The following LRP2 variants were observed in gnomAD, a reference collection of about 807,000 sequenced individuals.
The protein encoded by LRP2 is low-density lipoprotein receptor-related protein 2.
In LRP2, 172 loss-of-function variants were observed where a neutral mutation model predicts 531.0. That is an observed-to-expected ratio of 0.32 (90% CI 0.29 to 0.37). LRP2 has a LOEUF of 0.37. Among genes scored for constraint, LRP2 ranks in the 10% least tolerant of loss-of-function variants. LRP2 has a pLI of 1.00. For missense variants in LRP2, 5,167 were observed against 5,868.3 expected, an observed-to-expected ratio of 0.88 and a Z score of 3.90; for synonymous variants, 1,992 against 2,027.6, an observed-to-expected ratio of 0.98 and a Z score of 0.47.
At chr2:169,261,810 A>G (rs1690567655) in intron 16 of LRP2, among the ~76,000 whole-genome samples, 1 of 152,100 alleles carries the variant, frequency 6.6e-6, no homozygotes, top group Non-Finnish European at 1.5e-5. Flanking sequence ...ATTTTAGACC[A>G]ATATCCTTGA....
At chr2:169,288,273 G>T (rs1466651729) in intron 9 of LRP2, among the ~76,000 whole-genome samples, 1 of 152,094 alleles carries the variant, frequency 6.6e-6, no homozygotes, top group Non-Finnish European at 1.5e-5. Context: ...CCATCATAAG[G>T]CCCCGTCCTA....
intron 33 of LRP2, among the ~76,000 whole-genome samples, chr2:169,224,924 T>C (rs1689144453): frequency 6.6e-6 from 1 of 151,936 alleles, no homozygotes; most frequent in African/African-American, 2.4e-5. Context: ...ACCCCGTCTC[T>C]ACTAAAAATA....
At chr2:169,222,534 C>T (rs1460064553) in intron 33 of LRP2, among the ~76,000 whole-genome samples, 1 of 152,132 alleles carries the variant, frequency 6.6e-6, no homozygotes, top group Non-Finnish European at 1.5e-5. Context: ...AGTCATCCCC[C>T]TCATCCATGG....
rs186503383 is a variant in LRP2 at position 169,208,847 on chromosome 2, A to G, written c.6469+606T>C. ...AGAATTGGATTATATTCCAAAACATATAATACCACTAATTATGAGTGGTAT... is the reference window on the plus strand; with the variant it reads ...AGAATTGGATTATATTCCAAAACATGTAATACCACTAATTATGAGTGGTAT... On this transcript the variant is annotated intron_variant, in intron 38 of 78. Transcript: ENST00000649046. Among the ~76,000 whole-genome samples the G allele has an allele frequency of 2.4e-3, 366 of 152,330 alleles. 6 individuals carry two copies. Among genetic ancestry groups the G allele is most frequent in the East Asian group, 3.9e-3 (20 of 5,184 alleles).
At chr2:169,158,989 T>C (rs762009751) in intron 63 of LRP2, among the ~76,000 whole-genome samples, 7 of 152,172 alleles carry the variant, frequency 4.6e-5, no homozygotes, top group Admixed American at 6.6e-5. Context: ...TGCCCCAAGA[T>C]CTTGTCTCTA....
intron 3 of LRP2, among the ~76,000 whole-genome samples, chr2:169,312,073 C>T (rs1382433360): frequency 1.3e-5 from 2 of 152,030 alleles, no homozygotes; most frequent in African/African-American, 2.4e-5. Flanking sequence ...TCCTCCATCC[C>T]TTTATTTTGA....
chr2:169,175,219 C>A lies in LRP2; in HGVS notation c.10742G>T (p.Gly3581Val). ...LCNAHQNCPD[G>V]SDEDRLLCEN... ...ACAAAGAAGACGGTCTTCATCAGAC[C>A]CATCAGGGCAATTTTGGTGAGCATT... The change falls in exon 55 of 79, where the codon GGG becomes GTG. Residue 3581 changes from glycine to valine, a missense_variant. By Grantham distance (109) the Gly-to-Val change is moderately radical (BLOSUM62 -3). Coordinates refer to ENST00000649046, the MANE Select transcript of LRP2 (RefSeq NM_004525.3). 6.2e-7 allele frequency: 1 copy of A among 1,614,072 alleles called. No individual in the cohort carries two copies. Among genetic ancestry groups the A allele is most frequent in the Non-Finnish European group, 8.5e-7 (1 of 1,180,010 alleles).
intron 16 of LRP2, 142 bp downstream of exon 16, chr2:169,270,762 A>ATAAATAAAT (rs1232453073): frequency 3.4e-6 from 1 of 294,136 alleles, no homozygotes; most frequent in Non-Finnish European, 5.9e-6. Flanking sequence ...AATAGTATAA[A>ATAAATAAAT]TAAATAAATA....
intron 9 of LRP2, among the ~76,000 whole-genome samples, chr2:169,287,144 G>T (rs568752350): frequency 6.6e-6 from 1 of 152,310 alleles, no homozygotes; most frequent in African/African-American, 2.4e-5. Flanking sequence ...GGGCATTCGT[G>T]TGAAAAGTAT....
intron 34 of LRP2, among the ~76,000 whole-genome samples, chr2:169,218,205 A>G (rs1381809568): frequency 6.6e-6 from 1 of 152,116 alleles, no homozygotes; most frequent in East Asian, 1.9e-4. Flanking sequence ...ACAAAATTCT[A>G]AGCTCTTCTA....
intron 35 of LRP2, 108 bp from the exon 36 acceptor site, chr2:169,213,978 T>A (rs1688687371): frequency 1.3e-6 from 1 of 767,516 alleles, no homozygotes; most frequent in Non-Finnish European, 2.3e-6. Flanking sequence ...TACAGCCCTC[T>A]ATCCCTTACA....
Position 169,246,765 on chromosome 2 carries a change from G to C in LRP2, c.3130C>G (p.Leu1044Val). Residue 1044 changes from leucine (L) to valine (V), a missense_variant, in exon 21 of 79, where the codon CTC (leucine) becomes GTC (valine). Leu to Val is a conservative substitution (Grantham distance 32). This residue lies in a region of LRP2 where 2,811 missense variants were observed against 3,058.0 expected (regional missense o/e 0.92). Transcript: ENST00000649046. ...TGACAATCATCGACTCCATCACAGAGATAGTAATTGGGCACACATCTGCCA... is the reference window on the plus strand; with the variant it reads ...TGACAATCATCGACTCCATCACAGACATAGTAATTGGGCACACATCTGCCA... ...KNGRCVPNYY[L>V]CDGVDDCHDN... 1.2e-6 allele frequency: 2 copies of C among 1,614,168 alleles called. No individual in the cohort carries two copies. Among genetic ancestry groups the C allele is most frequent in the South Asian group, 1.1e-5 (1 of 91,082 alleles).
chr2:169,152,683 C>A, intron 67 of LRP2, 116 bp downstream of exon 67: 1 of 1,178,486 alleles, frequency 8.5e-7, no homozygotes, highest in Non-Finnish European at 1.3e-6. Flanking sequence ...CCAGCTGCAC[C>A]CATGGCTGAG....
intron 47 of LRP2, 131 bp from the exon 48 acceptor site, chr2:169,192,164 T>G (rs924520340): frequency 6.7e-6 from 4 of 596,708 alleles, no homozygotes; most frequent in Non-Finnish European, 8.7e-6. Flanking sequence ...CAAATTACAC[T>G]GCTATTATAA....
At chr2:169,223,681 ATCT>A (rs1038295325) in intron 33 of LRP2, among the ~76,000 whole-genome samples, 1 of 152,214 alleles carries the variant, frequency 6.6e-6, no homozygotes, top group Non-Finnish European at 1.5e-5. Flanking sequence ...CATTTAAGAC[ATCT>A]TCTTAGCTTC....
At chr2:169,254,728 T>C (rs1574183274) in intron 19 of LRP2, among the ~76,000 whole-genome samples, 1 of 151,316 alleles carries the variant, frequency 6.6e-6, no homozygotes, top group East Asian at 2.0e-4. Context: ...TGGGTATGCA[T>C]TCAAATTTTT....
intron 45 of LRP2, among the ~76,000 whole-genome samples, chr2:169,198,480 C>T (rs186720516): frequency 2.0e-5 from 3 of 152,218 alleles, no homozygotes; most frequent in South Asian, 2.1e-4. Context: ...AAGGGCTTAA[C>T]GGGCAAATTC....
intron 13 of LRP2, 130 bp downstream of exon 13, chr2:169,277,615 G>T: frequency 1.2e-6 from 1 of 838,730 alleles, no homozygotes. Context: ...TCAGTACAAA[G>T]GTCATTAAAG....
chr2:169,315,591 C>A (rs1574249678), intron 3 of LRP2, among the ~76,000 whole-genome samples: 2 of 152,260 alleles, frequency 1.3e-5, no homozygotes, highest in Admixed American at 6.5e-5. Flanking sequence ...CACTTCAAGG[C>A]AAGAATAGCA....
Sources: allele counts gnomAD v4.1 joint callset (sites outside exome capture counted in the v4.1 genomes callset), GRCh38; gene constraint gnomAD v4.1.1; regional missense constraint gnomAD v4.1.1; transcripts MANE v1.5; gene names NCBI Gene and HGNC (gene_info 2026-07-23, HGNC 2026-07-21).